Variants in DOCK3 observed in about 807,000 individuals in gnomAD.
The protein encoded by DOCK3 is dedicator of cytokinesis 3.
Under a neutral mutation model 265.6 loss-of-function variants are expected in DOCK3, and 60 were observed. The observed-to-expected ratio is 0.23, with a 90% CI of 0.18 to 0.28. DOCK3 has a LOEUF of 0.28. DOCK3 is among the 10% of genes least tolerant of loss of function. The pLI is 1.00. For synonymous variants in DOCK3, 881 were observed against 938.0 expected (o/e 0.94, Z 1.11); for missense variants, 1,981 against 2,594.3 (o/e 0.76, Z 5.14).
intron 9 of DOCK3, among the ~76,000 whole-genome samples, chr3:51,117,263 A>G (rs1156320826): frequency 1.3e-5 from 2 of 152,098 alleles, no homozygotes; most frequent in Non-Finnish European, 2.9e-5. Context: ...GATGGATTAC[A>G]TTTATTTATT....
chr3:50,962,041 G>C (rs1272840022), intron 5 of DOCK3, among the ~76,000 whole-genome samples: 1 of 151,404 alleles, frequency 6.6e-6, no homozygotes. Context: ...TGGGATACAT[G>C]TGCAGAACGT....
At chr3:51,248,802 G>A (rs1330208539) in intron 22 of DOCK3, among the ~76,000 whole-genome samples, 4 of 148,796 alleles carry the variant, frequency 2.7e-5, no homozygotes, top group Non-Finnish European at 4.5e-5. Flanking sequence ...GTCTTTGCCC[G>A]GCCGCCCATC....
chr3:50,749,458 A>G, intron 1 of DOCK3, among the ~76,000 whole-genome samples: 1 of 152,200 alleles, frequency 6.6e-6, no homozygotes, highest in Middle Eastern at 3.2e-3. Context: ...TCGTCTTGTA[A>G]ATAGCTTCAG....
intron 12 of DOCK3, among the ~76,000 whole-genome samples, chr3:51,201,458 A>G (rs904674490): frequency 2.0e-5 from 3 of 152,370 alleles, no homozygotes; most frequent in African/African-American, 7.2e-5. Flanking sequence ...GATCAATTCA[A>G]CAAGAAGAGC....
At chr3:51,081,558 G>A (rs576950365) in intron 7 of DOCK3, among the ~76,000 whole-genome samples, 1 of 152,256 alleles carries the variant, frequency 6.6e-6, no homozygotes, top group South Asian at 2.1e-4. Context: ...AAATTTTATA[G>A]TCACTTTTCA....
At chr3:50,676,832 T>C (rs1190644542) in intron 1 of DOCK3, among the ~76,000 whole-genome samples, 1 of 152,226 alleles carries the variant, frequency 6.6e-6, no homozygotes, top group East Asian at 1.9e-4. Context: ...GTCATTTTAT[T>C]AATGTATAAA....
At chr3:51,182,228 T>G (rs2087341890) in intron 12 of DOCK3, among the ~76,000 whole-genome samples, 1 of 152,178 alleles carries the variant, frequency 6.6e-6, no homozygotes, top group Non-Finnish European at 1.5e-5. Context: ...GGCAAGGGTT[T>G]TAGTCTCTCT....
At chr3:50,781,910 A>C (rs541442011) in intron 2 of DOCK3, among the ~76,000 whole-genome samples, 1 of 152,270 alleles carries the variant, frequency 6.6e-6, no homozygotes, top group Non-Finnish European at 1.5e-5. Flanking sequence ...TTAGTTTGCT[A>C]AGGATAATAG....
intron 3 of DOCK3, among the ~76,000 whole-genome samples, chr3:50,854,610 T>TTTTTTTTTTTTTTG (rs2046501151): frequency 6.9e-6 from 1 of 145,554 alleles, no homozygotes; most frequent in Non-Finnish European, 1.5e-5. Flanking sequence ...TTTTTTTTTT[T>TTTTTTTTTTTTTTG]GGTGGTCTCA....
intron 2 of DOCK3, among the ~76,000 whole-genome samples, chr3:50,797,693 T>G (rs190962890): frequency 6.8e-4 from 104 of 152,350 alleles, no homozygotes; most frequent in African/African-American, 2.3e-3. Flanking sequence ...TTGTTACTTT[T>G]GTCTTTTTGA....
At chr3:50,719,436 C>T (rs1421554298) in intron 1 of DOCK3, 12 of 637,842 alleles carry the variant, frequency 1.9e-5, no homozygotes, top group South Asian at 1.1e-4. Flanking sequence ...TCCTGAGCTA[C>T]GGAAGGAATG....
intron 1 of DOCK3, among the ~76,000 whole-genome samples, chr3:50,752,216 A>G (rs2039863370): frequency 6.6e-6 from 1 of 152,190 alleles, no homozygotes; most frequent in Non-Finnish European, 1.5e-5. Flanking sequence ...GAGATAAACT[A>G]CTTAGCGACT....
At chr3:50,957,050 C>A (rs2076750949) in intron 5 of DOCK3, among the ~76,000 whole-genome samples, 1 of 152,180 alleles carries the variant, frequency 6.6e-6, no homozygotes, top group African/African-American at 2.4e-5. Flanking sequence ...CAGGCGTGAG[C>A]CACCGTGCCC....
At chr3:51,184,683 C>T (rs923042565) in intron 12 of DOCK3, among the ~76,000 whole-genome samples, 8 of 152,144 alleles carry the variant, frequency 5.3e-5, no homozygotes, top group South Asian at 2.1e-4. Context: ...TTTCAAGTAA[C>T]GTATGCATAT....
intron 2 of DOCK3, among the ~76,000 whole-genome samples, chr3:50,807,249 C>CTT (rs59370167): frequency 0.053 from 7,383 of 140,524 alleles, 192 homozygotes; most frequent in Non-Finnish European, 0.073. Flanking sequence ...CTGCCACGCT[C>CTT]TTTTTTTTTT....
intron 32 of DOCK3, among the ~76,000 whole-genome samples, chr3:51,316,494 G>A (rs745636311): frequency 6.6e-6 from 1 of 152,200 alleles, no homozygotes; most frequent in Non-Finnish European, 1.5e-5. Flanking sequence ...GAATAGGATT[G>A]TTGGGCCTTG....
chr3:51,092,511 G>C (rs960143768), intron 9 of DOCK3, among the ~76,000 whole-genome samples: 3 of 152,252 alleles, frequency 2.0e-5, no homozygotes, highest in Non-Finnish European at 2.9e-5. Context: ...AGCAGCCCCA[G>C]TCAGGGACTT....
intron 5 of DOCK3, among the ~76,000 whole-genome samples, chr3:51,024,523 A>C (rs985442609): frequency 6.6e-6 from 1 of 152,128 alleles, no homozygotes; most frequent in Non-Finnish European, 1.5e-5. Flanking sequence ...ATCAGGGTGA[A>C]GGGTGAGAGC....
intron 1 of DOCK3, among the ~76,000 whole-genome samples, chr3:50,731,164 G>C (rs1300203866): frequency 6.6e-6 from 1 of 150,580 alleles, no homozygotes; most frequent in Non-Finnish European, 1.5e-5. Context: ...TTTAAACATA[G>C]ATGTAGAATC....
Sources: allele counts gnomAD v4.1 joint callset (sites outside exome capture counted in the v4.1 genomes callset), GRCh38; gene constraint gnomAD v4.1.1; transcripts MANE v1.5; gene names NCBI Gene and HGNC (gene_info 2026-07-23, HGNC 2026-07-21).